Variants in WDR70 observed in about 807,000 individuals in gnomAD.
WDR70 encodes the protein WD repeat-containing protein 70.
A neutral mutation model predicts 88.6 loss-of-function variants in WDR70; 53 were observed. The ratio of observed to expected loss-of-function variants is 0.60; its 90% CI spans 0.48 to 0.75. The LOEUF (loss-of-function observed/expected upper bound fraction) is 0.75, where lower values mean the gene tolerates loss of function less well. WDR70 is among the 30% of genes least tolerant of loss of function. The probability of loss-of-function intolerance (pLI) is 0.00; values close to 1 mark genes in which losing one functional copy is unlikely to be tolerated. For synonymous variants in WDR70, 280 were observed against 270.0 expected (o/e 1.04, Z -0.36); for missense variants, 610 against 823.2 (o/e 0.74, Z 3.17).
chr5:37,457,379 A>T (rs1304604845), intron 7 of WDR70, among the ~76,000 whole-genome samples: 1 of 152,232 alleles, frequency 6.6e-6, no homozygotes, highest in African/African-American at 2.4e-5. Flanking sequence ...TACAGGTGTG[A>T]GCCACTGCAC....
intron 10 of WDR70, among the ~76,000 whole-genome samples, chr5:37,645,195 C>G (rs1439433878): frequency 2.0e-5 from 3 of 147,770 alleles, no homozygotes; most frequent in African/African-American, 7.4e-5. Flanking sequence ...TTTTTTTTTT[C>G]AAGAAATTTT....
At chr5:37,488,502 C>CTTT (rs113142236) in intron 8 of WDR70, among the ~76,000 whole-genome samples, 80,238 of 137,180 alleles carry the variant, frequency 0.58, 25,277 homozygotes, top group Non-Finnish European at 0.69. Context: ...TTGTTCTTTA[C>CTTT]TTTTTTTTTT....
chr5:37,389,476 T>C (rs1748742265), intron 3 of WDR70, among the ~76,000 whole-genome samples: 1 of 151,904 alleles, frequency 6.6e-6, no homozygotes, highest in African/African-American at 2.4e-5. Context: ...AGTGGTGCCA[T>C]CTCCGCTCAG....
chr5:37,483,474 C>A (rs1319174233), intron 8 of WDR70, among the ~76,000 whole-genome samples: 1 of 152,236 alleles, frequency 6.6e-6, no homozygotes, highest in Non-Finnish European at 1.5e-5. Flanking sequence ...TAGTACAGAA[C>A]AAAATGAAGT....
At chr5:37,587,948 G>A (rs528788525) in intron 9 of WDR70, among the ~76,000 whole-genome samples, 3 of 151,856 alleles carry the variant, frequency 2.0e-5, no homozygotes, top group South Asian at 2.1e-4. Context: ...CCAGCTAATT[G>A]TCTCTACTAA....
rs1739471619 is a variant in WDR70, at chr5:37,476,050, C to T, written c.687-3784C>T. 2.0e-5 allele frequency among the ~76,000 whole-genome samples: 3 copies of T among 151,886 alleles called. No homozygotes were observed. The South Asian group carries it at 6.3e-4, about 32-fold the overall frequency. On this transcript the variant is annotated intron_variant, in intron 7 of 17. Transcript: ENST00000265107. ...ATTTTTAGTATAGATGGGGTGTCTG[C>T]ATGTTTGTCAGGCTGGTCTCAAATT...
intron 9 of WDR70, among the ~76,000 whole-genome samples, chr5:37,600,795 A>G (rs190269393): frequency 2.5e-3 from 325 of 129,132 alleles, no homozygotes; most frequent in Admixed American, 4.2e-3. Flanking sequence ...CACATATTAC[A>G]GGTACAAATG....
intron 9 of WDR70, among the ~76,000 whole-genome samples, chr5:37,561,366 A>G (rs1227480007): frequency 1.3e-5 from 2 of 152,204 alleles, no homozygotes; most frequent in East Asian, 1.9e-4. Flanking sequence ...ATAAATCCAT[A>G]TTTTTGAATT....
At chr5:37,515,019 G>GAAA (rs770128168) in intron 8 of WDR70, among the ~76,000 whole-genome samples, 1 of 53,004 alleles carries the variant, frequency 1.9e-5, no homozygotes, top group Non-Finnish European at 4.4e-5. Flanking sequence ...CCTGTCTCAA[G>GAAA]AAAAAAAAAA....
rs67566263 is a variant in WDR70 at position 37,699,331 on chromosome 5, TACACACACAC to T, written c.1192+1597_1192+1606del. Reference sequence around the variant, plus strand: ...ATAATTCTTACTTTCCTTTCCATCATACACACACACACACACACACACACACACAGTGTGT... The same window carrying T: ...ATAATTCTTACTTTCCTTTCCATCATACACACACACACACACACAGTGTGT... On this transcript the variant is annotated intron_variant, in intron 11 of 17. Transcript: ENST00000265107. Among the ~76,000 whole-genome samples, 16 of 141,646 alleles carry T rather than the reference TACACACACAC, an allele frequency of 1.1e-4. No individual in the cohort carries two copies. In the East Asian group the frequency reaches 1.3e-3, roughly 11 times the overall value. The allele number at this position is 141,646 out of a possible 152,430, so 92.9% of individuals were successfully genotyped here.
Position 37,702,931 on chromosome 5 carries a change from A to C in WDR70, c.1278-18A>C. ...TGGAGGTCATAAGCTTATACTCGTA[A>C]ACTCTTTTTTTCTGTAGGACTGACT... is the stretch of plus-strand genomic sequence containing the variant. On this transcript the variant is annotated intron_variant, in intron 12 of 17. Transcript: ENST00000265107. 5.0e-6 allele frequency: 8 copies of C among 1,595,732 alleles called. No homozygotes were observed. The highest frequency in any genetic ancestry group is 6.9e-6 in the Non-Finnish European group (8 of 1,164,798).
intron 9 of WDR70, among the ~76,000 whole-genome samples, chr5:37,568,520 G>C (rs771759840): frequency 6.6e-6 from 1 of 152,078 alleles, no homozygotes; most frequent in Non-Finnish European, 1.5e-5. Flanking sequence ...AGTGGGGCAA[G>C]GCACCACAAT....
intron 9 of WDR70, among the ~76,000 whole-genome samples, chr5:37,602,736 T>TGA (rs999373121): frequency 3.4e-4 from 51 of 152,186 alleles, no homozygotes; most frequent in African/African-American, 1.2e-3. Context: ...CCCAGCACTT[T>TGA]GAGAGGCCGA....
At chr5:37,712,527 T>C (rs1223247643) in intron 13 of WDR70, among the ~76,000 whole-genome samples, 1 of 152,178 alleles carries the variant, frequency 6.6e-6, no homozygotes, top group Non-Finnish European at 1.5e-5. Flanking sequence ...GGATCTATTT[T>C]GTAAAATATA....
chr5:37,595,474 G>A (rs1029636143), intron 9 of WDR70, among the ~76,000 whole-genome samples: 7 of 152,140 alleles, frequency 4.6e-5, no homozygotes, highest in Non-Finnish European at 8.8e-5. Context: ...TACTGTATTC[G>A]TGGATCAGAA....
At chr5:37,655,572 C>A (rs1014891843) in intron 10 of WDR70, among the ~76,000 whole-genome samples, 1 of 152,102 alleles carries the variant, frequency 6.6e-6, no homozygotes, top group Non-Finnish European at 1.5e-5. Flanking sequence ...TTCAGGTACA[C>A]CCGTCAAACG....
chr5:37,396,415 TCTG>T lies in WDR70; in HGVS notation c.338_340del (p.Ser113_Asp114delinsTyr), dbSNP rs1167929316. The T allele has an allele frequency of 6.2e-7, 1 of 1,613,796 alleles. No individual in the cohort carries two copies. Among genetic ancestry groups the T allele is most frequent in the South Asian group, 1.1e-5 (1 of 91,042 alleles). Reference sequence around the variant, plus strand: ...TGAAAGTGAACAGAGTTCTGACTCTTCTGATGATGAGTTAATTGGCCCTCCTTT... The same window carrying T: ...TGAAAGTGAACAGAGTTCTGACTCTTATGATGAGTTAATTGGCCCTCCTTT... On this transcript the variant is annotated inframe_deletion, in exon 5 of 18. Coordinates refer to ENST00000265107, the MANE Select transcript of WDR70 (RefSeq NM_018034.4).
chr5:37,625,885 G>A (rs577839809), intron 10 of WDR70, among the ~76,000 whole-genome samples: 2 of 151,866 alleles, frequency 1.3e-5, no homozygotes, highest in East Asian at 3.9e-4. Flanking sequence ...TGTATATTCT[G>A]GATATTAATC....
chr5:37,739,348 C>T (rs1222818594), intron 17 of WDR70, among the ~76,000 whole-genome samples: 2 of 152,172 alleles, frequency 1.3e-5, no homozygotes, highest in Non-Finnish European at 2.9e-5. Context: ...ACTTTTCCTT[C>T]GAGTCAATCC....
Sources: allele counts gnomAD v4.1 joint callset (sites outside exome capture counted in the v4.1 genomes callset), GRCh38; gene constraint gnomAD v4.1.1; transcripts MANE v1.5; gene names NCBI Gene and HGNC (gene_info 2026-07-23, HGNC 2026-07-21).